Variants in PAK5 observed in about 807,000 individuals in gnomAD.
PAK5 encodes p21 (RAC1) activated kinase 5.
Under a neutral mutation model 65.9 loss-of-function variants are expected in PAK5, and 16 were observed. That is an observed-to-expected ratio of 0.24 (90% CI 0.16 to 0.37). The LOEUF (loss-of-function observed/expected upper bound fraction) is 0.37. PAK5 is among the 10% of genes least tolerant of loss of function. The probability of loss-of-function intolerance (pLI) is 1.00; values close to 1 mark genes in which losing one functional copy is unlikely to be tolerated. For synonymous variants in PAK5, 371 were observed against 354.9 expected (o/e 1.05, Z -0.51); for missense variants, 785 against 903.9 (o/e 0.87, Z 1.69).
chr20:9,793,423 A>G (rs1374852512), intron 1 of PAK5, among the ~76,000 whole-genome samples: 3 of 152,186 alleles, frequency 2.0e-5, no homozygotes, highest in African/African-American at 7.2e-5. Flanking sequence ...TAAGGTGGAA[A>G]GAGAGCTGAC....
At chr20:9,675,383 C>G (rs942089382) in intron 2 of PAK5, among the ~76,000 whole-genome samples, 7 of 152,130 alleles carry the variant, frequency 4.6e-5, no homozygotes, top group Admixed American at 3.9e-4. Flanking sequence ...ACCAAAAGGA[C>G]AAGTAGGACC....
At chr20:9,766,256 G>GCTCTAATTGAATATATATATATA (rs1569078866) in intron 1 of PAK5, among the ~76,000 whole-genome samples, 3 of 55,618 alleles carry the variant, frequency 5.4e-5, no homozygotes, top group Non-Finnish European at 9.5e-5. Flanking sequence ...ATATATATAT[G>GCTCTAATTGAATATATATATATA]TTCTAATTGA....
chr20:9,611,897 C>A (rs1306957613), intron 3 of PAK5, among the ~76,000 whole-genome samples: 1 of 152,148 alleles, frequency 6.6e-6, no homozygotes, highest in Non-Finnish European at 1.5e-5. Context: ...CCCTTTCCTG[C>A]CTATTTCCTT....
At chr20:9,792,341 T>C (rs1310021602) in intron 1 of PAK5, among the ~76,000 whole-genome samples, 1 of 152,140 alleles carries the variant, frequency 6.6e-6, no homozygotes, top group Non-Finnish European at 1.5e-5. Context: ...TTGGTAATCA[T>C]GGTGAGCAAA....
intron 1 of PAK5, among the ~76,000 whole-genome samples, chr20:9,778,901 C>T (rs2048913566): frequency 6.6e-6 from 1 of 151,748 alleles, no homozygotes; most frequent in Non-Finnish European, 1.5e-5. Flanking sequence ...CTCAGAATAT[C>T]CATTCCCATG....
At chr20:9,713,158 A>G (rs1376223021) in intron 1 of PAK5, among the ~76,000 whole-genome samples, 3 of 152,140 alleles carry the variant, frequency 2.0e-5, no homozygotes, top group Admixed American at 6.6e-5. Context: ...TAGAAACTCA[A>G]ACAACTCAAT....
intron 3 of PAK5, among the ~76,000 whole-genome samples, chr20:9,601,329 G>A (rs143249696): frequency 6.6e-6 from 1 of 152,278 alleles, no homozygotes; most frequent in African/African-American, 2.4e-5. Context: ...GTTGCTACCA[G>A]AATGGGGGAA....
At chr20:9,737,971 T>C in intron 1 of PAK5, among the ~76,000 whole-genome samples, 1 of 152,096 alleles carries the variant, frequency 6.6e-6, no homozygotes, top group South Asian at 2.1e-4. Flanking sequence ...TGAAACCCCA[T>C]CTTTACTAAA....
chr20:9,620,438 C>T (rs915884408), intron 3 of PAK5, among the ~76,000 whole-genome samples: 7 of 152,326 alleles, frequency 4.6e-5, no homozygotes, highest in Admixed American at 3.3e-4. Context: ...TGTTCAACTC[C>T]AGGGTGTCCA....
At chr20:9,697,767 G>A (rs537032538) in intron 2 of PAK5, among the ~76,000 whole-genome samples, 2 of 152,110 alleles carry the variant, frequency 1.3e-5, no homozygotes, top group South Asian at 4.2e-4. Context: ...ATTTTAAAAA[G>A]GAAGCTTTTA....
intron 1 of PAK5, among the ~76,000 whole-genome samples, chr20:9,815,816 C>T (rs1353319736): frequency 1.3e-5 from 2 of 152,176 alleles, no homozygotes; most frequent in Non-Finnish European, 2.9e-5. Context: ...TTCTATTTCA[C>T]ATGCCAAATG....
intron 2 of PAK5, among the ~76,000 whole-genome samples, chr20:9,684,512 C>T (rs910855988): frequency 6.6e-6 from 1 of 152,154 alleles, no homozygotes; most frequent in Non-Finnish European, 1.5e-5. Context: ...GATAACTTGC[C>T]AGTTTTCTTT....
At chr20:9,799,318 T>A (rs552273214) in intron 1 of PAK5, among the ~76,000 whole-genome samples, 1 of 152,282 alleles carries the variant, frequency 6.6e-6, no homozygotes, top group African/African-American at 2.4e-5. Context: ...GACAATCGTA[T>A]CTTTGGGTTG....
At chr20:9,658,627 G>A (rs1488904978) in intron 2 of PAK5, among the ~76,000 whole-genome samples, 3 of 152,262 alleles carry the variant, frequency 2.0e-5, no homozygotes, top group Non-Finnish European at 4.4e-5. Context: ...TTAGGATTAT[G>A]TTTGCAAACG....
At chr20:9,574,791 G>A (rs1168302908) in intron 4 of PAK5, among the ~76,000 whole-genome samples, 1 of 152,124 alleles carries the variant, frequency 6.6e-6, no homozygotes, top group Non-Finnish European at 1.5e-5. Flanking sequence ...GACCCTGTAG[G>A]TAAAGAAAAC....
At chr20:9,559,314 C>T (rs910953548) in intron 6 of PAK5, among the ~76,000 whole-genome samples, 3 of 152,124 alleles carry the variant, frequency 2.0e-5, no homozygotes, top group African/African-American at 7.2e-5. Context: ...ACTTGTGAAA[C>T]TCCAGTAATC....
At chr20:9,678,774 T>A (rs949296110) in intron 2 of PAK5, among the ~76,000 whole-genome samples, 1 of 152,084 alleles carries the variant, frequency 6.6e-6, no homozygotes, top group Non-Finnish European at 1.5e-5. Flanking sequence ...TTAAATCTCA[T>A]GAGAACTTAC....
At chr20:9,639,031 C>A (rs1205882458) in intron 3 of PAK5, among the ~76,000 whole-genome samples, 1 of 152,128 alleles carries the variant, frequency 6.6e-6, no homozygotes, top group African/African-American at 2.4e-5. Context: ...ATAATTTTGC[C>A]AAAATGGCTT....
At chr20:9,603,777 C>T (rs1463984484) in intron 3 of PAK5, among the ~76,000 whole-genome samples, 3 of 152,122 alleles carry the variant, frequency 2.0e-5, no homozygotes, top group Admixed American at 1.3e-4. Flanking sequence ...CCATAACAAC[C>T]GTATGAGATT....
Sources: gnomAD v4.1 joint callset for allele counts (sites outside exome capture counted in the v4.1 genomes callset) on GRCh38, gnomAD v4.1.1 for gene constraint, MANE v1.5 for transcripts, NCBI Gene and HGNC (gene_info 2026-07-23, HGNC 2026-07-21) for gene names.